Variants in ADGB observed in about 807,000 individuals in gnomAD.
ADGB encodes the protein androglobin, also known as calpain-7-like protein.
ADGB carries 172 observed loss-of-function variants against 210.5 expected under a neutral mutation model. The ratio of observed to expected loss-of-function variants is 0.82; its 90% CI spans 0.72 to 0.93. The LOEUF (loss-of-function observed/expected upper bound fraction) is 0.93, where lower values mean the gene tolerates loss of function less well. ADGB is among the 40% of genes least tolerant of loss of function. The pLI, the probability that ADGB is intolerant of heterozygous loss-of-function variation, is 0.00. For missense variants in ADGB, 2,025 were observed against 1,964.8 expected (o/e 1.03, Z -0.58); for synonymous variants, 658 against 662.7 (o/e 0.99, Z 0.11).
chr6:146,708,600 T>A (rs1000496601), intron 13 of ADGB, among the ~76,000 whole-genome samples: 2 of 152,152 alleles, frequency 1.3e-5, no homozygotes, highest in East Asian at 1.9e-4. Flanking sequence ...TAACTCCTTA[T>A]TTGCTTCATT....
At chr6:146,710,144 A>T (rs1033055137) in intron 13 of ADGB, among the ~76,000 whole-genome samples, 30 of 150,952 alleles carry the variant, frequency 2.0e-4, no homozygotes, top group Admixed American at 2.6e-4. Context: ...TATATATATA[A>T]AATCATATTA....
At chr6:146,721,285 C>A in intron 16 of ADGB, 118 bp from the exon 17 acceptor site, 1 of 647,998 alleles carries the variant, frequency 1.5e-6, no homozygotes. Context: ...TATTGTGGTG[C>A]CTACAACACA....
intron 2 of ADGB, among the ~76,000 whole-genome samples, chr6:146,643,804 T>C (rs1317063871): frequency 1.3e-5 from 2 of 151,886 alleles, no homozygotes; most frequent in African/African-American, 2.4e-5. Flanking sequence ...TTACATGAAA[T>C]ACTACACAGC....
chr6:146,758,890 C>T (rs1434893113), intron 27 of ADGB, among the ~76,000 whole-genome samples: 1 of 151,882 alleles, frequency 6.6e-6, no homozygotes, highest in East Asian at 1.9e-4. Flanking sequence ...AAAGATTTCT[C>T]CATATGATAG....
intron 13 of ADGB, among the ~76,000 whole-genome samples, 158 bp downstream of exon 13, chr6:146,701,228 A>G (rs1199539803): frequency 2.6e-5 from 4 of 152,142 alleles, no homozygotes; most frequent in Non-Finnish European, 5.9e-5. Context: ...TCTATCACCT[A>G]GGTTAGAAAA....
intron 13 of ADGB, among the ~76,000 whole-genome samples, chr6:146,708,310 G>A (rs1776605470): frequency 6.6e-6 from 1 of 151,996 alleles, no homozygotes; most frequent in South Asian, 2.1e-4. Flanking sequence ...ACTTTTACCA[G>A]TGAGTTTTAT....
intron 35 of ADGB, chr6:146,807,666 A>C: frequency 9.2e-7 from 1 of 1,089,308 alleles, no homozygotes; most frequent in Non-Finnish European, 1.3e-6. Context: ...TGCTGATAAG[A>C]TATTGGGCCA....
In ADGB at chr6:146,691,192, G is replaced by C. The variant is rs1236005079; in HGVS notation, c.1388G>C (p.Arg463Thr). Residue 463 changes from arginine to threonine, a missense_variant, in exon 11 of 36, where the codon AGG (arginine) becomes ACG (threonine). Transcript: ENST00000397944. ...CSHPVLVTRSRSCPLVAPPKP... is the reference protein window; with the variant it reads ...CSHPVLVTRSTSCPLVAPPKP... ...CATCCTGTGCTGGTGACTAGAAGTA[G>C]GTCTTGTCCTCTGGTAGCACCACCA... 2.6e-6 allele frequency: 4 copies of C among 1,549,200 alleles called. No homozygotes were observed. In the Admixed American group the frequency reaches 5.9e-5, roughly 23 times the overall value.
At chr6:146,602,638 C>G (rs1449718617) in intron 1 of ADGB, among the ~76,000 whole-genome samples, 1 of 152,080 alleles carries the variant, frequency 6.6e-6, no homozygotes, top group Admixed American at 6.5e-5. Context: ...TGGTCAGGTT[C>G]GGGGAAGGCT....
intron 5 of ADGB, among the ~76,000 whole-genome samples, chr6:146,662,045 GC>G (rs1490003616): frequency 1.3e-5 from 2 of 152,042 alleles, no homozygotes; most frequent in Non-Finnish European, 2.9e-5. Flanking sequence ...CTTGCTGCTG[GC>G]TTTCAAGCTT....
In ADGB at chr6:146,717,521, A is replaced by G; in HGVS notation, c.1929-15A>G. 7.5e-7 allele frequency: 1 copy of G among 1,326,042 alleles called. No homozygotes were observed. Among genetic ancestry groups the G allele is most frequent in the Non-Finnish European group, 1.0e-6 (1 of 966,434 alleles). 82.1% of individuals were successfully genotyped at this position (1,326,042 alleles called of 1,614,324 possible). A position where few individuals can be genotyped will look rare whatever the true frequency, so the allele number is the denominator to read the frequency against. ...CTATAATGACAATAACCTGTTAAAA[A>G]TGTCTTTCTTTCAGAAATATATATA... On this transcript the variant is annotated splice_polypyrimidine_tract_variant and intron_variant, in intron 15 of 35. Coordinates refer to ENST00000397944, the MANE Select transcript of ADGB (RefSeq NM_024694.4).
chr6:146,614,452 C>T (rs1221606076), intron 1 of ADGB, among the ~76,000 whole-genome samples: 3 of 152,130 alleles, frequency 2.0e-5, no homozygotes, highest in Non-Finnish European at 2.9e-5. Context: ...CCAGCAACCA[C>T]CCTTCTGTTT....
intron 1 of ADGB, among the ~76,000 whole-genome samples, chr6:146,613,913 A>T (rs868847657): frequency 1.8e-4 from 27 of 151,920 alleles, no homozygotes; most frequent in Middle Eastern, 3.2e-3. Flanking sequence ...AAAATTATAG[A>T]CTAATTTTAT....
intron 35 of ADGB, among the ~76,000 whole-genome samples, chr6:146,813,408 A>C (rs2114678998): frequency 6.6e-6 from 1 of 152,090 alleles, no homozygotes; most frequent in Middle Eastern, 3.4e-3. Flanking sequence ...TGCTGAGATA[A>C]TCCTGCTGGT....
chr6:146,789,747 T>A (rs868221515), intron 33 of ADGB, among the ~76,000 whole-genome samples: 1 of 152,338 alleles, frequency 6.6e-6, no homozygotes, highest in African/African-American at 2.4e-5. Context: ...TTTTCCACTC[T>A]TATCTCACTT....
chr6:146,630,832 T>A (rs1465753640), intron 1 of ADGB, among the ~76,000 whole-genome samples: 1 of 152,190 alleles, frequency 6.6e-6, no homozygotes, highest in Non-Finnish European at 1.5e-5. Context: ...AAGCTAACTT[T>A]TCACTGAGAC....
At chr6:146,694,237 A>C (rs1245314348) in intron 12 of ADGB, among the ~76,000 whole-genome samples, 1 of 152,114 alleles carries the variant, frequency 6.6e-6, no homozygotes, top group African/African-American at 2.4e-5. Flanking sequence ...AATACCATAG[A>C]CTTGTGGCTT....
chr6:146,786,229 C>G (rs1219100572), intron 32 of ADGB, among the ~76,000 whole-genome samples: 1 of 145,918 alleles, frequency 6.9e-6, no homozygotes, highest in Non-Finnish European at 1.5e-5. Flanking sequence ...TAATATTATT[C>G]CAGTTTATCA....
chr6:146,736,909 TAGTC>T (rs1052505354), intron 23 of ADGB, among the ~76,000 whole-genome samples: 4 of 152,004 alleles, frequency 2.6e-5, no homozygotes, highest in Admixed American at 6.5e-5. Flanking sequence ...AGTCAACAAA[TAGTC>T]AGATGAAATC....
Sources: gnomAD v4.1 joint callset for allele counts (sites outside exome capture counted in the v4.1 genomes callset) on GRCh38, gnomAD v4.1.1 for gene constraint, MANE v1.5 for transcripts, NCBI Gene and HGNC (gene_info 2026-07-23, HGNC 2026-07-21) for gene names.